Variants in CADM2 observed in about 807,000 individuals in gnomAD.
CADM2 encodes immunoglobulin superfamily member 4D.
Under a neutral mutation model 49.8 loss-of-function variants are expected in CADM2, and 12 were observed. The ratio of observed to expected loss-of-function variants is 0.24; its 90% CI spans 0.15 to 0.39. The LOEUF (loss-of-function observed/expected upper bound fraction) is 0.39. Among genes scored for constraint, CADM2 ranks in the 10% least tolerant of loss-of-function variants. The pLI, the probability that CADM2 is intolerant of heterozygous loss-of-function variation, is 1.00. For missense variants in CADM2, 378 were observed against 492.3 expected (o/e 0.77, Z 2.20); for synonymous variants, 214 against 175.4 (o/e 1.22, Z -1.74).
intron 1 of CADM2, among the ~76,000 whole-genome samples, chr3:85,173,651 C>T: frequency 6.6e-6 from 1 of 152,050 alleles, no homozygotes; most frequent in East Asian, 1.9e-4. Flanking sequence ...AAGGTAAAGA[C>T]CTTTATTTTA....
At chr3:85,196,365 A>G (rs781563206) in intron 1 of CADM2, among the ~76,000 whole-genome samples, 1 of 151,994 alleles carries the variant, frequency 6.6e-6, no homozygotes, top group Non-Finnish European at 1.5e-5. Flanking sequence ...TAAAGAGGCA[A>G]TGACTACTGT....
At chr3:85,380,174 A>G (rs2033821571) in intron 1 of CADM2, among the ~76,000 whole-genome samples, 1 of 152,008 alleles carries the variant, frequency 6.6e-6, no homozygotes, top group Non-Finnish European at 1.5e-5. Flanking sequence ...TTAAGAGCAT[A>G]AAATATTTCC....
At chr3:85,739,405 G>A (rs988793260) in intron 2 of CADM2, among the ~76,000 whole-genome samples, 2 of 151,992 alleles carry the variant, frequency 1.3e-5, no homozygotes, top group Non-Finnish European at 2.9e-5. Context: ...TGTTATTAAA[G>A]TTTAAACAAA....
chr3:85,590,649 A>G (rs2063080104), intron 1 of CADM2, among the ~76,000 whole-genome samples: 1 of 151,956 alleles, frequency 6.6e-6, no homozygotes, highest in Admixed American at 6.6e-5. Flanking sequence ...AGGGACAAGA[A>G]TTAAAGGAAA....
chr3:85,851,357 CT>C (rs2075101852), intron 3 of CADM2, among the ~76,000 whole-genome samples: 1 of 151,696 alleles, frequency 6.6e-6, no homozygotes, highest in African/African-American at 2.4e-5. Flanking sequence ...CACAGTTGTT[CT>C]ACTATTTGTC....
intron 3 of CADM2, among the ~76,000 whole-genome samples, chr3:85,850,526 C>T (rs58105882): frequency 0.052 from 7,828 of 151,798 alleles, 567 homozygotes; most frequent in African/African-American, 0.16. Flanking sequence ...GACGGGGTTT[C>T]ACCATGTTTG....
chr3:85,262,147 G>A (rs1175271351), intron 1 of CADM2, among the ~76,000 whole-genome samples: 3 of 152,026 alleles, frequency 2.0e-5, no homozygotes, highest in Non-Finnish European at 4.4e-5. Flanking sequence ...TTAGAACTAT[G>A]ATATTAAACC....
At chr3:85,160,103 TTG>T (rs1167923817) in intron 1 of CADM2, among the ~76,000 whole-genome samples, 4 of 152,152 alleles carry the variant, frequency 2.6e-5, no homozygotes, top group Non-Finnish European at 4.4e-5. Flanking sequence ...GGCTTTAAAA[TTG>T]TGTCTTTTTA....
intron 1 of CADM2, among the ~76,000 whole-genome samples, chr3:85,098,407 C>T (rs2037885356): frequency 6.6e-6 from 1 of 151,652 alleles, no homozygotes; most frequent in Admixed American, 6.6e-5. Flanking sequence ...TACCACTTAC[C>T]AAATTGTATA....
chr3:85,884,945 A>G (rs1356366298), intron 4 of CADM2, among the ~76,000 whole-genome samples: 2 of 150,042 alleles, frequency 1.3e-5, no homozygotes, highest in African/African-American at 4.9e-5. Context: ...CATGTTGGCC[A>G]AGATGGTCTC....
intron 1 of CADM2, among the ~76,000 whole-genome samples, chr3:85,401,545 C>T (rs1175254163): frequency 2.0e-5 from 3 of 152,032 alleles, no homozygotes; most frequent in East Asian, 1.9e-4. Flanking sequence ...AGAGGAAAGT[C>T]GCATCTATCC....
chr3:85,110,906 A>G (rs1430509590), intron 1 of CADM2, among the ~76,000 whole-genome samples: 1 of 151,902 alleles, frequency 6.6e-6, no homozygotes, highest in Non-Finnish European at 1.5e-5. Flanking sequence ...TCACAAAGAA[A>G]GCAAATGAGA....
intron 3 of CADM2, among the ~76,000 whole-genome samples, chr3:85,880,716 A>C (rs1186877625): frequency 6.6e-6 from 1 of 152,152 alleles, no homozygotes; most frequent in Non-Finnish European, 1.5e-5. Context: ...CCTTTCAAGA[A>C]GTTTGTTTAT....
intron 3 of CADM2, among the ~76,000 whole-genome samples, chr3:85,829,786 A>T (rs2074101481): frequency 6.6e-6 from 1 of 151,948 alleles, no homozygotes. Flanking sequence ...TCTGCGCTTG[A>T]CTTACTTCAC....
intron 1 of CADM2, among the ~76,000 whole-genome samples, chr3:85,609,837 A>T (rs992164662): frequency 2.0e-5 from 3 of 152,096 alleles, no homozygotes; most frequent in Non-Finnish European, 4.4e-5. Flanking sequence ...AAAGATGATT[A>T]TTATAATGGG....
chr3:85,101,463 G>T lies in CADM2; in HGVS notation c.61+141795G>T, dbSNP rs111721752. Among the ~76,000 whole-genome samples the T allele has an allele frequency of 2.6e-5, 4 of 152,204 alleles. No individual in the cohort carries two copies. In the South Asian group the frequency reaches 8.3e-4, roughly 32 times the overall value. On this transcript the variant is annotated intron_variant, in intron 1 of 9. Coordinates refer to ENST00000383699, the MANE Select transcript of CADM2 (RefSeq NM_001167675.2). ...GTAGATCACTTACATTTCTTAAAAT[G>T]TGGTATGTTGTATCAAACCTAAATA... is the stretch of plus-strand genomic sequence containing the variant.
At position 85,772,412 on chromosome 3, in the gene CADM2, T is replaced by C. The variant is rs545773945; in HGVS notation, c.89-29635T>C. Among the ~76,000 whole-genome samples the C allele has an allele frequency of 2.4e-4, 37 of 152,240 alleles. 1 individual carries two copies. Among genetic ancestry groups the C allele is most frequent in the African/African-American group, 8.9e-4 (37 of 41,572 alleles). ...CGTGTGCATTGTCATTTTATCTGTG[T>C]GTATGTGTCCATCTAAGTAGAATTT... is the stretch of plus-strand genomic sequence containing the variant. On this transcript the variant is annotated intron_variant, in intron 2 of 9. Coordinates refer to ENST00000383699, the MANE Select transcript of CADM2 (RefSeq NM_001167675.2).
At chr3:85,332,259 G>C (rs2044949862) in intron 1 of CADM2, among the ~76,000 whole-genome samples, 2 of 151,992 alleles carry the variant, frequency 1.3e-5, no homozygotes, top group African/African-American at 2.4e-5. Flanking sequence ...TGGATCCTGA[G>C]AAATACAGGC....
Position 84,982,702 on chromosome 3 carries a change from C to CATATGT in CADM2, c.61+23038_61+23039insGTATAT, listed in dbSNP as rs1177661723. On this transcript the variant is annotated intron_variant, in intron 1 of 9. Coordinates refer to ENST00000383699, the MANE Select transcript of CADM2 (RefSeq NM_001167675.2). ...GACATATAGATTGAAAACTATAAAG[C>CATATGT]ATATATATATATATATATATATATA... Among the ~76,000 whole-genome samples, 18 of 76,316 alleles carry CATATGT rather than the reference C, an allele frequency of 2.4e-4. 1 individual carries two copies. The highest frequency in any genetic ancestry group is 1.8e-3 in the Admixed American group (12 of 6,692). The allele number at this position is 76,316 out of a possible 152,430, so 50.1% of individuals were successfully genotyped here.
Sources: allele counts gnomAD v4.1 joint callset (sites outside exome capture counted in the v4.1 genomes callset), GRCh38; gene constraint gnomAD v4.1.1; transcripts MANE v1.5; gene names NCBI Gene and HGNC (gene_info 2026-07-23, HGNC 2026-07-21).